The following HIPK2 variants were observed in gnomAD, a reference collection of about 807,000 sequenced individuals.
The protein encoded by HIPK2 is homeodomain-interacting protein kinase 2.
Under a neutral mutation model 113.7 loss-of-function variants are expected in HIPK2, and 27 were observed. The ratio of observed to expected loss-of-function variants is 0.24; its 90% CI spans 0.17 to 0.33. The LOEUF (loss-of-function observed/expected upper bound fraction) is 0.33. HIPK2 is among the 10% of genes least tolerant of loss of function. The pLI is 1.00. For synonymous variants in HIPK2, 631 were observed against 642.2 expected, an observed-to-expected ratio of 0.98 and a Z score of 0.26; for missense variants, 1,257 against 1,588.0, an observed-to-expected ratio of 0.79 and a Z score of 3.54.
chr7:139,736,628 C>A (rs1245115226), intron 1 of HIPK2, among the ~76,000 whole-genome samples: 1 of 152,322 alleles, frequency 6.6e-6, no homozygotes, highest in East Asian at 1.9e-4. Context: ...TGGGCCAATA[C>A]CCTTTGTTGA....
At chr7:139,646,277 C>G (rs1801219153) in intron 2 of HIPK2, among the ~76,000 whole-genome samples, 1 of 152,118 alleles carries the variant, frequency 6.6e-6, no homozygotes, top group Non-Finnish European at 1.5e-5. Context: ...GGGAGGATCA[C>G]TTGAGGCCAG....
intron 12 of HIPK2, among the ~76,000 whole-genome samples, chr7:139,595,121 G>A (rs544258791): frequency 8.5e-5 from 13 of 152,216 alleles, no homozygotes; most frequent in Admixed American, 1.3e-4. Flanking sequence ...GATCTCATAC[G>A]TTAGGAATGA....
rs35583497 is a variant in HIPK2 at position 139,613,294 on chromosome 7, C to T, written c.2020G>A (p.Gly674Ser). 8.1e-6 allele frequency: 13 copies of T among 1,613,440 alleles called. No individual in the cohort carries two copies. Among genetic ancestry groups the T allele is most frequent in the Non-Finnish European group, 1.1e-5 (13 of 1,179,758 alleles). ...GCATTTTCCATTCGCACCGAGTAGC[C>T]AGCGTGCTTAGAGGGAGAGGCCTGC... Reference protein sequence around the residue: ...GLQASPSKHAGYSVRMENAVP... With the variant: ...GLQASPSKHASYSVRMENAVP... The change falls in exon 9 of 15, where the codon GGC becomes AGC. Residue 674 changes from glycine to serine, a missense_variant. Physicochemically the swap from Gly to Ser is moderately conservative, Grantham distance 56. Around this residue, in one of 5 missense-constraint regions of HIPK2, gnomAD observed 862 missense variants for 1,004.3 expected, o/e 0.86. Coordinates refer to ENST00000406875, the MANE Select transcript of HIPK2 (RefSeq NM_022740.5). This position sits in a 1 kb window ranked among gnomAD's most constrained non-coding sequence, Gnocchi z 4.2.
Position 139,613,313 on chromosome 7 carries a change from G to C in HIPK2, c.2001C>G (p.Ala667=). ...AGTAGCCAGCGTGCTTAGAGGGAGAGGCCTGCAAGCCTGTTCCAGACAGTG... is the reference window on the plus strand; with the variant it reads ...AGTAGCCAGCGTGCTTAGAGGGAGACGCCTGCAAGCCTGTTCCAGACAGTG... ...VCPPGFQGLQ[A]SPSKHAGYSV... Residue 667 remains alanine (A), a synonymous_variant, in exon 9 of 15, where the codon GCC becomes GCG. Transcript: ENST00000406875. The surrounding 1 kb of genome is among the most constrained non-coding windows in gnomAD (Gnocchi z 4.2). 6.2e-7 allele frequency: 1 copy of C among 1,613,442 alleles called. No individual in the cohort carries two copies. Among genetic ancestry groups the C allele is most frequent in the Non-Finnish European group, 8.5e-7 (1 of 1,179,696 alleles).
intron 1 of HIPK2, among the ~76,000 whole-genome samples, chr7:139,764,077 C>A (rs1385275249): frequency 6.6e-6 from 1 of 152,180 alleles, no homozygotes; most frequent in Admixed American, 6.5e-5. Context: ...CTCGTTCAGG[C>A]ATGAGTTATA....
At chr7:139,669,237 G>C (rs566803620) in intron 2 of HIPK2, among the ~76,000 whole-genome samples, 1 of 152,168 alleles carries the variant, frequency 6.6e-6, no homozygotes, top group Non-Finnish European at 1.5e-5. Flanking sequence ...GGGGTCAACT[G>C]TGTACTCAGC....
Position 139,660,744 on chromosome 7 carries a change from A to G in HIPK2, c.1104-29019T>C, listed in dbSNP as rs573660045. ...TGGGAGGCACCTCTCACAGAGGGCT[A>G]GCCAGTCTAGATACGTAACAAGGAA... On this transcript the variant is annotated intron_variant, in intron 2 of 14. Transcript: ENST00000406875. 5.9e-5 allele frequency among the ~76,000 whole-genome samples: 9 copies of G among 152,376 alleles called. No individual in the cohort carries two copies. In the East Asian group the frequency reaches 1.7e-3, roughly 29 times the overall value.
At chr7:139,672,952 C>T (rs1057234342) in intron 2 of HIPK2, among the ~76,000 whole-genome samples, 1 of 152,052 alleles carries the variant, frequency 6.6e-6, no homozygotes, top group Non-Finnish European at 1.5e-5. Flanking sequence ...ATCCTCCTTG[C>T]AAAAAGTAAT....
intron 2 of HIPK2, among the ~76,000 whole-genome samples, chr7:139,646,836 G>T (rs539299127): frequency 4.7e-4 from 72 of 152,154 alleles, no homozygotes; most frequent in Non-Finnish European, 8.4e-4. Flanking sequence ...CTTGAGGGAA[G>T]TCAGAGAAGA....
chr7:139,726,340 A>C (rs923402902), intron 1 of HIPK2, among the ~76,000 whole-genome samples: 1 of 152,174 alleles, frequency 6.6e-6, no homozygotes, highest in African/African-American at 2.4e-5. Context: ...CAGCAGAAAT[A>C]TAAAACTCTG....
chr7:139,607,452 G>C (rs1391364779), intron 9 of HIPK2, among the ~76,000 whole-genome samples: 1 of 152,068 alleles, frequency 6.6e-6, no homozygotes, highest in Non-Finnish European at 1.5e-5. Flanking sequence ...TTCAGAGAAA[G>C]AAAAAACAAC....
At chr7:139,736,990 T>A (rs540545428) in intron 1 of HIPK2, among the ~76,000 whole-genome samples, 2 of 152,348 alleles carry the variant, frequency 1.3e-5, no homozygotes, top group East Asian at 3.9e-4. Context: ...TGTTGCCATC[T>A]TGCACCATAC....
At chr7:139,761,905 A>G (rs555495432) in intron 1 of HIPK2, among the ~76,000 whole-genome samples, 1 of 152,264 alleles carries the variant, frequency 6.6e-6, no homozygotes, top group East Asian at 1.9e-4. Flanking sequence ...AAAAAGACCT[A>G]AGAGATGTAA....
Position 139,573,224 on chromosome 7 carries a change from G to T in HIPK2, c.3300C>A (p.Pro1100=). The T allele has an allele frequency of 6.2e-7, 1 of 1,605,614 alleles. No individual in the cohort carries two copies. Among genetic ancestry groups the T allele is most frequent in the South Asian group, 1.1e-5 (1 of 90,960 alleles). ...AAAAAHLPTQ[P]HLYTYTAPAA... is the part of the protein sequence containing the mutation. ...CCGGCGCAGTGTAGGTGTAGAGGTG[G>T]GGCTGGGTGGGGAGGTGGGCAGCGG... Residue 1100 remains proline, a synonymous_variant, in exon 15 of 15, where the codon CCC becomes CCA. Transcript: ENST00000406875.
intron 2 of HIPK2, among the ~76,000 whole-genome samples, chr7:139,693,929 G>A (rs532380337): frequency 5.9e-5 from 9 of 152,308 alleles, no homozygotes; most frequent in Admixed American, 3.3e-4. Context: ...CTGAACACAT[G>A]AAAGGAGTGA....
chr7:139,702,435 AC>A (rs1295956184), intron 2 of HIPK2, among the ~76,000 whole-genome samples: 1 of 152,186 alleles, frequency 6.6e-6, no homozygotes, highest in East Asian at 1.9e-4. Flanking sequence ...AGCTGCTGGG[AC>A]CACTCCAGGC....
At chr7:139,772,463 C>G (rs10257659) in intron 1 of HIPK2, among the ~76,000 whole-genome samples, 15,601 of 152,250 alleles carry the variant, frequency 0.1, 2,634 homozygotes, top group African/African-American at 0.36. Flanking sequence ...CTGCAAGTTA[C>G]AGACAGTAAT....
At chr7:139,601,303 C>T (rs1053832263) in intron 10 of HIPK2, among the ~76,000 whole-genome samples, 12 of 151,730 alleles carry the variant, frequency 7.9e-5, no homozygotes, top group African/African-American at 1.9e-4. Flanking sequence ...GAAGAAAAAG[C>T]GGAATTTACA....
chr7:139,572,901 C>T lies in HIPK2; in HGVS notation c.*26G>A, dbSNP rs1585223283. ...CTCCCTCGGGCCATTCTCTCCCTCC[C>T]TCCCTCCCTCCCTCCCCTCCAGTGT... On this transcript the variant is annotated 3_prime_UTR_variant, in exon 15 of 15. Transcript: ENST00000406875. 1 of 575,650 alleles carries T rather than the reference C, an allele frequency of 1.7e-6. No homozygotes were observed. Among genetic ancestry groups the T allele is most frequent in the East Asian group, 3.1e-5 (1 of 32,346 alleles). The allele number at this position is 575,650 out of a possible 1,614,324, so 35.7% of individuals were successfully genotyped here. A position where few individuals can be genotyped will look rare whatever the true frequency, so the allele number is the denominator to read the frequency against.
Sources: allele counts gnomAD v4.1 joint callset (sites outside exome capture counted in the v4.1 genomes callset), GRCh38; gene constraint gnomAD v4.1.1; regional missense constraint gnomAD v4.1.1; non-coding constraint Gnocchi (gnomAD v3.1); transcripts MANE v1.5; gene names NCBI Gene and HGNC (gene_info 2026-07-23, HGNC 2026-07-21).